The following ARHGEF17 variants were observed in gnomAD, a reference collection of about 807,000 sequenced individuals.
The protein encoded by ARHGEF17 is 164 kDa Rho-specific guanine-nucleotide exchange factor.
A neutral mutation model predicts 174.0 loss-of-function variants in ARHGEF17; 80 were observed. The observed-to-expected ratio is 0.46, with a 90% confidence interval of 0.38 to 0.55. The LOEUF (loss-of-function observed/expected upper bound fraction) is 0.55. Among genes scored for constraint, ARHGEF17 ranks in the 20% least tolerant of loss-of-function variants. The probability of loss-of-function intolerance (pLI) is 0.00; values close to 1 mark genes in which losing one functional copy is unlikely to be tolerated. For synonymous variants in ARHGEF17, 1,311 were observed against 1,189.1 expected (o/e 1.10, Z -2.11); for missense variants, 2,886 against 2,839.7 (o/e 1.02, Z -0.37).
chr11:73,311,084 G>C lies in ARHGEF17; in HGVS notation c.2446G>C (p.Asp816His). ...GPGTLGRVVD[D>H]RIAGKAPKKK... ...TGGCACCCTGGGGCGTGTGGTGGAC[G>C]ACAGGATTGCTGGCAAAGCCCCCAA... The change falls in exon 1 of 21, where the codon GAC becomes CAC. Residue 816 changes from aspartate (D) to histidine (H), a missense_variant. Physicochemically the swap from Asp to His is moderately conservative, Grantham distance 81. Coordinates refer to ENST00000263674, the MANE Select transcript of ARHGEF17 (RefSeq NM_014786.4). 6.2e-7 allele frequency: 1 copy of C among 1,609,934 alleles called. No individual in the cohort carries two copies. The highest frequency in any genetic ancestry group is 8.5e-7 in the Non-Finnish European group (1 of 1,176,686).
At chr11:73,319,435 C>T (rs1046962908) in intron 1 of ARHGEF17, among the ~76,000 whole-genome samples, 2 of 152,208 alleles carry the variant, frequency 1.3e-5, no homozygotes, top group African/African-American at 4.8e-5. Context: ...GATAATCTTC[C>T]CATCTCAGAA....
Position 73,310,710 on chromosome 11 carries a change from G to T in ARHGEF17, c.2072G>T (p.Gly691Val), listed in dbSNP as rs1362763777. Residue 691 changes from glycine to valine, a missense_variant, in exon 1 of 21, where the codon GGG becomes GTG. Transcript: ENST00000263674. The part of the protein sequence containing the change: ...HGPGTEDSLG[G>V]WALVSPETPP... Reference sequence around the variant, plus strand: ...CCTGGGACTGAGGACAGTCTGGGCGGGTGGGCCCTGGTGTCGCCTGAGACC... The same window carrying T: ...CCTGGGACTGAGGACAGTCTGGGCGTGTGGGCCCTGGTGTCGCCTGAGACC... 1.2e-6 allele frequency: 2 copies of T among 1,612,916 alleles called. No individual in the cohort carries two copies. The highest frequency in any genetic ancestry group is 2.7e-5 in the African/African-American group (2 of 74,904).
rs1865884944 is a variant in ARHGEF17, at chr11:73,368,857, C to G, written c.*1077C>G. The stretch of plus-strand genomic sequence containing the variant: ...CTTGAGAGCAGCCTCTACCTGACCC[C>G]CTGGACCACAGAGAGCCACTCTGAC... On this transcript the variant is annotated 3_prime_UTR_variant, in exon 21 of 21. Coordinates refer to ENST00000263674, the MANE Select transcript of ARHGEF17 (RefSeq NM_014786.4). The G allele has an allele frequency of 6.6e-6, 1 of 152,258 alleles. No homozygotes were observed. The highest frequency in any genetic ancestry group is 2.4e-5 in the African/African-American group (1 of 41,410). The allele number at this position is 152,258 out of a possible 1,614,324, so 9.4% of individuals were successfully genotyped here.
intron 1 of ARHGEF17, among the ~76,000 whole-genome samples, chr11:73,330,771 G>C (rs1397653404): frequency 6.6e-6 from 1 of 152,258 alleles, no homozygotes; most frequent in Non-Finnish European, 1.5e-5. Context: ...CCTGGAGGTG[G>C]AGGCAGAGAG....
Position 73,365,269 on chromosome 11 carries a change from T to TC in ARHGEF17, c.5551-120dup. On this transcript the variant is annotated intron_variant, in intron 18 of 20. Transcript: ENST00000263674. This position sits in a 1 kb window ranked among gnomAD's most constrained non-coding sequence, Gnocchi z 4.9. ...GTGAAACCAAGCTTCGAAAGGTTAA[T>TC]CAGACCAAGGACCAACGCTAGTGTG... The TC allele has an allele frequency of 8.6e-7, 1 of 1,156,630 alleles. No individual in the cohort carries two copies. The highest frequency in any genetic ancestry group is 1.2e-6 in the Non-Finnish European group (1 of 814,868). 71.6% of individuals were successfully genotyped at this position (1,156,630 alleles called of 1,614,324 possible). A position where few individuals can be genotyped will look rare whatever the true frequency, so the allele number is the denominator to read the frequency against.
intron 1 of ARHGEF17, among the ~76,000 whole-genome samples, chr11:73,345,544 T>G (rs1341147703): frequency 1.3e-5 from 2 of 152,024 alleles, no homozygotes; most frequent in Non-Finnish European, 2.9e-5. Context: ...AGGACAGGCC[T>G]GGGCTCAGGT....
chr11:73,324,716 G>A (rs947327994), intron 1 of ARHGEF17, among the ~76,000 whole-genome samples: 4 of 152,238 alleles, frequency 2.6e-5, no homozygotes, highest in African/African-American at 4.8e-5. Context: ...CTGAGTTGGG[G>A]GCAGTGCCAT....
chr11:73,331,275 T>A (rs1865199159), intron 1 of ARHGEF17, among the ~76,000 whole-genome samples: 1 of 152,132 alleles, frequency 6.6e-6, no homozygotes, highest in Non-Finnish European at 1.5e-5. Context: ...TACCCATGTC[T>A]CGATTTGGAT....
intron 11 of ARHGEF17, 49 bp downstream of exon 11, chr11:73,360,582 G>A: frequency 6.3e-7 from 1 of 1,596,446 alleles, no homozygotes; most frequent in Non-Finnish European, 8.6e-7. Flanking sequence ...TTCCAGGCAG[G>A]AGGCCAGAGG....
chr11:73,320,444 GGCCA>G (rs1339943509), intron 1 of ARHGEF17, among the ~76,000 whole-genome samples: 2 of 150,716 alleles, frequency 1.3e-5, no homozygotes, highest in Non-Finnish European at 2.9e-5. Context: ...GACTCAGCCT[GGCCA>G]ATATGGTGAA....
Position 73,308,676 on chromosome 11 carries a change from G to A in ARHGEF17, c.38G>A (p.Ser13Asn). 1 of 1,519,826 alleles carries A rather than the reference G, an allele frequency of 6.6e-7. No homozygotes were observed. The highest frequency in any genetic ancestry group is 8.8e-7 in the Non-Finnish European group (1 of 1,136,982). The allele number at this position is 1,519,826 out of a possible 1,614,324, so 94.1% of individuals were successfully genotyped here. The change falls in exon 1 of 21, where the codon AGC (serine) becomes AAC (asparagine). Residue 13 changes from serine to asparagine, a missense_variant. This residue lies in a region of ARHGEF17 where 1,728 missense variants were observed against 1,461.2 expected (regional missense o/e 1.18). Transcript: ENST00000263674. ...DGAPRPQLYR[S>N]VSFKLLERWS... Reference sequence around the variant, plus strand: ...GCACCCCGGCCCCAGCTTTACCGCAGCGTCTCGTTCAAGCTGCTGGAGCGC... The same window carrying A: ...GCACCCCGGCCCCAGCTTTACCGCAACGTCTCGTTCAAGCTGCTGGAGCGC...
At position 73,357,266 on chromosome 11, in the gene ARHGEF17, C is replaced by T; in HGVS notation, c.4026C>T (p.Asp1342=). ...MSLYTAASVI[D]TASKYKMLWK... The stretch of plus-strand genomic sequence containing the variant: ...GGTACACGGCAGCCAGTGTCATTGA[C>T]ACAGCCAGCAAGTACAAGATGCTGT... The change falls in exon 9 of 21, where the codon GAC becomes GAT. Residue 1342 remains aspartate, a synonymous_variant. Transcript: ENST00000263674. The T allele has an allele frequency of 3.1e-6, 5 of 1,614,130 alleles. No homozygotes were observed. The highest frequency in any genetic ancestry group is 1.7e-6 in the Non-Finnish European group (2 of 1,179,984).
At chr11:73,356,579 T>C (rs1281579678) in intron 6 of ARHGEF17, 130 bp from the exon 7 acceptor site, 3 of 1,285,272 alleles carry the variant, frequency 2.3e-6, no homozygotes, top group South Asian at 1.4e-5. Context: ...CACAAGGGCA[T>C]TGAGGGTGGG....
intron 14 of ARHGEF17, 75 bp downstream of exon 14, chr11:73,362,809 AC>A (rs1416290553): frequency 2.0e-6 from 3 of 1,529,192 alleles, no homozygotes; most frequent in African/African-American, 2.7e-5. Context: ...GAGAGGAGGG[AC>A]CAGTGTAGGG....
At position 73,359,906 on chromosome 11, in the gene ARHGEF17, T is replaced by C; in HGVS notation, c.4160T>C (p.Leu1387Pro). 1 of 1,613,358 alleles carries C rather than the reference T, an allele frequency of 6.2e-7. No homozygotes were observed. The highest frequency in any genetic ancestry group is 8.5e-7 in the Non-Finnish European group (1 of 1,179,680). ...CGCCTTGATGAGGACCTCACCACCC[T>C]GGGCCAAATGAGCAAGCTCTCTGAG... The part of the protein sequence containing the change: ...ISRLDEDLTT[L>P]GQMSKLSESL... The change falls in exon 10 of 21, where the codon CTG (leucine) becomes CCG (proline). Residue 1387 changes from leucine (L) to proline (P), a missense_variant. Around this residue, in one of 4 missense-constraint regions of ARHGEF17, gnomAD observed 353 missense variants for 470.3 expected, o/e 0.75. Coordinates refer to ENST00000263674, the MANE Select transcript of ARHGEF17 (RefSeq NM_014786.4).
intron 1 of ARHGEF17, among the ~76,000 whole-genome samples, chr11:73,337,333 G>C (rs1591739612): frequency 6.6e-6 from 1 of 151,550 alleles, no homozygotes; most frequent in Admixed American, 6.6e-5. Flanking sequence ...CTTGAGCCCA[G>C]GAGTTTGAGG....
chr11:73,324,301 T>TGGCACGAGGTGGAGCA, intron 1 of ARHGEF17, among the ~76,000 whole-genome samples: 1 of 152,110 alleles, frequency 6.6e-6, no homozygotes, highest in Non-Finnish European at 1.5e-5. Flanking sequence ...TGCCAAGCCC[T>TGGCACGAGGTGGAGCA]CCTGTTCCTG....
chr11:73,325,477 T>C (rs1270655971), intron 1 of ARHGEF17, among the ~76,000 whole-genome samples: 2 of 152,088 alleles, frequency 1.3e-5, no homozygotes, highest in African/African-American at 4.8e-5. Context: ...TGGGGTAAGC[T>C]GACAGCAAAC....
At chr11:73,357,383 T>A in intron 9 of ARHGEF17, 56 bp downstream of exon 9, 1 of 1,509,164 alleles carries the variant, frequency 6.6e-7, no homozygotes, top group East Asian at 2.4e-5. Flanking sequence ...GAAGCCCTCC[T>A]GGAGGGTCTG....
Sources: gnomAD v4.1 joint callset for allele counts (sites outside exome capture counted in the v4.1 genomes callset) on GRCh38, gnomAD v4.1.1 for gene constraint, gnomAD v4.1.1 regional missense constraint, Gnocchi (gnomAD v3.1) non-coding constraint, MANE v1.5 for transcripts, NCBI Gene and HGNC (gene_info 2026-07-23, HGNC 2026-07-21) for gene names.